Variants in PRUNE1 observed in about 807,000 individuals in gnomAD.
PRUNE1 encodes the protein exopolyphosphatase PRUNE1.
In PRUNE1, 25 loss-of-function variants were observed where a neutral mutation model predicts 42.5. The ratio of observed to expected loss-of-function variants is 0.59; its 90% CI spans 0.43 to 0.82. The LOEUF (loss-of-function observed/expected upper bound fraction) is 0.82. Among genes scored for constraint, PRUNE1 ranks in the 40% least tolerant of loss-of-function variants. The pLI, the probability that PRUNE1 is intolerant of heterozygous loss-of-function variation, is 0.00. For synonymous variants in PRUNE1, 203 were observed against 217.1 expected (o/e 0.93, Z 0.57); for missense variants, 443 against 539.3 (o/e 0.82, Z 1.77).
In PRUNE1 at chr1:151,017,815, T is replaced by C; in HGVS notation, c.43T>C (p.Ser15Pro). 6.3e-7 allele frequency: 1 copy of C among 1,579,168 alleles called. No individual in the cohort carries two copies. The highest frequency in any genetic ancestry group is 8.7e-7 in the Non-Finnish European group (1 of 1,149,086). The change falls in exon 2 of 8, where the codon TCC becomes CCC. Residue 15 changes from serine to proline, a missense_variant. Transcript: ENST00000271620. The part of the protein sequence containing the change: ...LQGCRAALQE[S>P]RPLHVVLGNE... ...TCCCATTTTCCTTTCTCTCCAGGAG[T>C]CCCGACCTCTACATGTTGTGCTGGG...
intron 7 of PRUNE1, among the ~76,000 whole-genome samples, chr1:151,032,059 A>G (rs1196140211): frequency 6.6e-6 from 1 of 152,158 alleles, no homozygotes; most frequent in Non-Finnish European, 1.5e-5. Context: ...AGCCTGGCCA[A>G]TATGGCGAAA....
At chr1:151,018,731 A>G (rs1222071082) in intron 3 of PRUNE1, 62 bp downstream of exon 3, 2 of 1,465,072 alleles carry the variant, frequency 1.4e-6, no homozygotes, top group Non-Finnish European at 1.9e-6. Context: ...GATGAGTGAG[A>G]TATAAAGAGA....
chr1:151,030,755 G>T lies in PRUNE1; in HGVS notation c.933+1811G>T, dbSNP rs1675193174. 2.0e-5 allele frequency among the ~76,000 whole-genome samples: 3 copies of T among 152,124 alleles called. No homozygotes were observed. In the South Asian group the frequency reaches 6.2e-4, roughly 31 times the overall value. ...CCTGCCTTGGCCTTCCGAAGTGCTG[G>T]AATTACAAGCCTGAGCCACTGCACC... is the stretch of plus-strand genomic sequence containing the variant. On this transcript the variant is annotated intron_variant, in intron 7 of 7. Transcript: ENST00000271620.
chr1:151,020,892 G>A (rs887387252), intron 3 of PRUNE1, among the ~76,000 whole-genome samples: 2 of 151,890 alleles, frequency 1.3e-5, no homozygotes, highest in African/African-American at 4.8e-5. Flanking sequence ...TGAGGTAGGA[G>A]AATGGCATGA....
Position 151,024,773 on chromosome 1 carries a change from G to A in PRUNE1, c.498G>A (p.Arg166=), listed in dbSNP as rs1674719816. 1.2e-6 allele frequency: 2 copies of A among 1,612,930 alleles called. No homozygotes were observed. Among genetic ancestry groups the A allele is most frequent in the Admixed American group, 1.7e-5 (1 of 59,762 alleles). ...AGGGGGCACCAGAGATCTTGGACAG[G>A]CAAACTGCAGCCCTTCTGCATGGTA... ...ILQGAPEILD[R]QTAALLHGTI... Residue 166 remains arginine, a synonymous_variant, in exon 4 of 8, where the codon AGG becomes AGA. Transcript: ENST00000271620.
intron 4 of PRUNE1, 63 bp from the exon 5 acceptor site, chr1:151,025,452 T>C (rs2102927821): frequency 7.3e-6 from 11 of 1,501,978 alleles, no homozygotes; most frequent in Non-Finnish European, 1.0e-5. Flanking sequence ...AGGTTATATA[T>C]GTTCTGGTGG....
chr1:151,025,657 A>G lies in PRUNE1; in HGVS notation c.663A>G (p.Ala221=). 1 of 1,613,630 alleles carries G rather than the reference A, an allele frequency of 6.2e-7. No individual in the cohort carries two copies. Among genetic ancestry groups the G allele is most frequent in the South Asian group, 1.1e-5 (1 of 90,984 alleles). ...ATATATTTGATTCCCTACAAAAGGC[A>G]AAGTTTGATGTATCAGGTATGAAAT... ...RNDIFDSLQK[A]KFDVSGLTTE... The change falls in exon 5 of 8, where the codon GCA becomes GCG. Residue 221 remains alanine, a synonymous_variant. Coordinates refer to ENST00000271620, the MANE Select transcript of PRUNE1 (RefSeq NM_021222.3).
intron 1 of PRUNE1, among the ~76,000 whole-genome samples, chr1:151,013,903 G>C (rs895924225): frequency 2.6e-5 from 4 of 152,074 alleles, no homozygotes; most frequent in African/African-American, 4.8e-5. Flanking sequence ...GTATTGGGTA[G>C]AATTCTTACT....
At position 151,033,926 on chromosome 1, in the gene PRUNE1, C is replaced by T; in HGVS notation, c.1054C>T (p.Leu352=). The T allele has an allele frequency of 6.2e-7, 1 of 1,614,124 alleles. No homozygotes were observed. The highest frequency in any genetic ancestry group is 1.3e-5 in the African/African-American group (1 of 75,034). Residue 352 remains leucine (L), a synonymous_variant, in exon 8 of 8, where the codon CTG becomes TTG. Coordinates refer to ENST00000271620, the MANE Select transcript of PRUNE1 (RefSeq NM_021222.3). ...GNTQVSRKKL[L]PLLQEALSAY... ...CACCCAGGTCTCTCGAAAGAAACTT[C>T]TGCCCCTGCTCCAGGAAGCCCTGTC...
chr1:151,028,339 A>G (rs1246469372), intron 6 of PRUNE1, among the ~76,000 whole-genome samples: 1 of 152,152 alleles, frequency 6.6e-6, no homozygotes, highest in Non-Finnish European at 1.5e-5. Context: ...TCCCGGGTTC[A>G]AGTAATTCTC....
In PRUNE1 at chr1:151,025,618, A is replaced by G; in HGVS notation, c.624A>G (p.Leu208=). The G allele has an allele frequency of 3.7e-6, 6 of 1,613,906 alleles. No homozygotes were observed. The highest frequency in any genetic ancestry group is 5.1e-6 in the Non-Finnish European group (6 of 1,179,832). ...AACTAGAGGCCCTTTTCCCAGACCT[A>G]CCCAAGAGAAATGATATATTTGATT... is the stretch of plus-strand genomic sequence containing the variant. The part of the protein sequence containing the change: ...VEKLEALFPD[L]PKRNDIFDSL... Residue 208 remains leucine, a synonymous_variant, in exon 5 of 8, where the codon CTA becomes CTG. Transcript: ENST00000271620.
At chr1:151,012,756 C>T (rs796711131) in intron 1 of PRUNE1, among the ~76,000 whole-genome samples, 3 of 152,020 alleles carry the variant, frequency 2.0e-5, no homozygotes, top group African/African-American at 7.2e-5. Context: ...AAATTGGTTA[C>T]GATATTATTC....
chr1:151,030,595 G>A (rs10788797), intron 7 of PRUNE1, among the ~76,000 whole-genome samples: 128,494 of 152,094 alleles, frequency 0.84, 54,299 homozygotes, highest in East Asian at 0.88. Flanking sequence ...GGTTCAGTCA[G>A]TTCTCCCACC....
chr1:151,030,783 G>GC (rs1277151608), intron 7 of PRUNE1, among the ~76,000 whole-genome samples: 1 of 152,126 alleles, frequency 6.6e-6, no homozygotes, highest in African/African-American at 2.4e-5. Flanking sequence ...ACTGCACCTG[G>GC]CCAAGAACTG....
chr1:151,026,847 C>CTTTT lies in PRUNE1; in HGVS notation c.680-371_680-368dup, dbSNP rs766393235. On this transcript the variant is annotated intron_variant, in intron 5 of 7. Coordinates refer to ENST00000271620, the MANE Select transcript of PRUNE1 (RefSeq NM_021222.3). ...TTATGTGATTACATTTTCTTTCTTT[C>CTTTT]TTTTTTTTTTTTTTTTTTGAGACAG... is the stretch of plus-strand genomic sequence containing the variant. Among the ~76,000 whole-genome samples, 970 of 128,454 alleles carry CTTTT rather than the reference C, an allele frequency of 7.6e-3. 8 individuals are homozygous for CTTTT. Among genetic ancestry groups the CTTTT allele is most frequent in the African/African-American group, 0.021 (725 of 35,136 alleles). 84.3% of individuals were successfully genotyped at this position (128,454 alleles called of 152,430 possible).
intron 3 of PRUNE1, among the ~76,000 whole-genome samples, chr1:151,022,563 TGTG>T (rs1411990889): frequency 6.6e-6 from 1 of 150,778 alleles, no homozygotes; most frequent in East Asian, 2.0e-4. Flanking sequence ...GGACTACAGG[TGTG>T]CCCGCCACCA....
chr1:151,015,476 A>G (rs975458798), intron 1 of PRUNE1, among the ~76,000 whole-genome samples: 4 of 151,936 alleles, frequency 2.6e-5, no homozygotes, highest in African/African-American at 9.7e-5. Flanking sequence ...TCTACTAAAA[A>G]TACAAAAATT....
chr1:151,025,839 C>A (rs1424416245), intron 5 of PRUNE1, among the ~76,000 whole-genome samples, 166 bp downstream of exon 5: 1 of 151,750 alleles, frequency 6.6e-6, no homozygotes, highest in Non-Finnish European at 1.5e-5. Flanking sequence ...CTCCTGGGTT[C>A]AAGCGATTCT....
intron 3 of PRUNE1, among the ~76,000 whole-genome samples, chr1:151,022,107 AAT>A (rs1674487342): frequency 1.6e-5 from 2 of 123,468 alleles, no homozygotes; most frequent in South Asian, 4.9e-4. Context: ...ATTCCTGGCT[AAT>A]TTTTTTTTTT....
Sources: gnomAD v4.1 joint callset for allele counts (sites outside exome capture counted in the v4.1 genomes callset) on GRCh38, gnomAD v4.1.1 for gene constraint, MANE v1.5 for transcripts, NCBI Gene and HGNC (gene_info 2026-07-23, HGNC 2026-07-21) for gene names.